NCK1: variants seen among roughly 807,000 people sequenced by gnomAD.
NCK1 encodes the protein SH2/SH3 adapter protein NCK1.
A neutral mutation model predicts 36.6 loss-of-function variants in NCK1; 19 were observed. The observed-to-expected ratio is 0.52, with a 90% CI of 0.36 to 0.76. NCK1 has a LOEUF of 0.76. NCK1 is among the 30% of genes least tolerant of loss of function. NCK1 has a pLI of 0.00. For missense variants in NCK1, 358 were observed against 445.6 expected (o/e 0.80, Z 1.77); for synonymous variants, 165 against 156.0 (o/e 1.06, Z -0.43).
intron 1 of NCK1, among the ~76,000 whole-genome samples, chr3:136,910,666 A>C (rs1218390319): frequency 6.6e-6 from 1 of 152,206 alleles, no homozygotes; most frequent in East Asian, 1.9e-4. Context: ...TTGACAAATC[A>C]TAATTTTATA....
At chr3:136,923,399 CA>C (rs1269200788) in intron 1 of NCK1, among the ~76,000 whole-genome samples, 1 of 151,720 alleles carries the variant, frequency 6.6e-6, no homozygotes, top group Non-Finnish European at 1.5e-5. Flanking sequence ...ACTAAAAATA[CA>C]AAAAAATTAG....
chr3:136,926,338 G>A (rs538708065), intron 1 of NCK1, among the ~76,000 whole-genome samples: 7 of 151,644 alleles, frequency 4.6e-5, no homozygotes, highest in African/African-American at 1.2e-4. Context: ...GCAGTGGCGC[G>A]ATCTCGGCTC....
intron 1 of NCK1, among the ~76,000 whole-genome samples, chr3:136,926,702 C>T (rs1463341399): frequency 1.3e-5 from 2 of 152,154 alleles, no homozygotes; most frequent in Non-Finnish European, 2.9e-5. Context: ...TTTCAAAATT[C>T]AATATGATTT....
intron 1 of NCK1, among the ~76,000 whole-genome samples, chr3:136,892,507 G>T (rs1417629612): frequency 1.3e-5 from 2 of 149,854 alleles, no homozygotes; most frequent in Non-Finnish European, 2.9e-5. Context: ...CAGAAATCTT[G>T]ATGATGTGGC....
At chr3:136,882,694 A>G (rs970950911) in intron 1 of NCK1, among the ~76,000 whole-genome samples, 2 of 151,922 alleles carry the variant, frequency 1.3e-5, no homozygotes, top group African/African-American at 4.8e-5. Context: ...TGGAAGGGGA[A>G]GTGTGTGTGG....
At chr3:136,864,893 G>T (rs1207496198) in intron 1 of NCK1, among the ~76,000 whole-genome samples, 1 of 149,318 alleles carries the variant, frequency 6.7e-6, no homozygotes, top group Non-Finnish European at 1.5e-5. Flanking sequence ...AAGTAGCTGG[G>T]ACTACAGGTG....
Position 136,948,604 on chromosome 3 carries a change from C to T in NCK1, c.*151C>T. The stretch of plus-strand genomic sequence containing the variant: ...ATAAGTATTTTTATTATAACTCAGC[C>T]CATACATATATACTATGTATGCAGT... On this transcript the variant is annotated 3_prime_UTR_variant, in exon 4 of 4. Coordinates refer to ENST00000481752, the MANE Select transcript of NCK1 (RefSeq NM_001291999.2). The T allele has an allele frequency of 1.5e-6, 1 of 652,258 alleles. No individual in the cohort carries two copies. The highest frequency in any genetic ancestry group is 2.6e-6 in the Non-Finnish European group (1 of 382,054). 40.4% of individuals were successfully genotyped at this position (652,258 alleles called of 1,614,324 possible). A position where few individuals can be genotyped will look rare whatever the true frequency, so the allele number is the denominator to read the frequency against.
intron 1 of NCK1, among the ~76,000 whole-genome samples, chr3:136,922,839 A>G (rs1414534611): frequency 6.6e-6 from 1 of 152,266 alleles, no homozygotes; most frequent in African/African-American, 2.4e-5. Flanking sequence ...CCAAAGGTAC[A>G]CTAACAGAAA....
At chr3:136,946,391 T>TA (rs1940827194) in intron 3 of NCK1, 96 bp downstream of exon 3, 1 of 1,023,142 alleles carries the variant, frequency 9.8e-7, no homozygotes, top group African/African-American at 1.6e-5. Context: ...TCCCTAAAGT[T>TA]AACCAGGTAA....
intron 1 of NCK1, among the ~76,000 whole-genome samples, chr3:136,865,211 C>T (rs960308422): frequency 1.1e-4 from 17 of 152,114 alleles, no homozygotes; most frequent in South Asian, 2.1e-4. Context: ...CTGCCTCGGC[C>T]TCCCAAAGTG....
Position 136,946,180 on chromosome 3 carries a change from G to T in NCK1, c.824G>T (p.Gly275Val). The change falls in exon 3 of 4, where the codon GGA (glycine) becomes GTA (valine). Residue 275 changes from glycine (G) to valine (V), a missense_variant. Coordinates refer to ENST00000481752, the MANE Select transcript of NCK1 (RefSeq NM_001291999.2). ...GATTACATTAGGCCTTCACTCACTG[G>T]AAAGTTTGCTGGCAATCCTTGGTAT... ...QCDYIRPSLT[G>V]KFAGNPWYYG... 6.2e-7 allele frequency: 1 copy of T among 1,613,556 alleles called. No individual in the cohort carries two copies.
intron 1 of NCK1, among the ~76,000 whole-genome samples, chr3:136,922,142 T>C (rs1249449104): frequency 6.6e-6 from 1 of 152,206 alleles, no homozygotes; most frequent in African/African-American, 2.4e-5. Flanking sequence ...GGGTTTGTTA[T>C]TGGCATTTAT....
rs750120282 is a variant in NCK1, at chr3:136,910,619, CATTT to C, written c.-18-17357_-18-17354del. ...TTTCAACCTGTTTGACTCCTCTTAGCATTTATTTATTCCAGTTTTAAATTTAATG... is the reference window on the plus strand; with the variant it reads ...TTTCAACCTGTTTGACTCCTCTTAGCATTTATTCCAGTTTTAAATTTAATG... On this transcript the variant is annotated intron_variant, in intron 1 of 3. Coordinates refer to ENST00000481752, the MANE Select transcript of NCK1 (RefSeq NM_001291999.2). Among the ~76,000 whole-genome samples the C allele has an allele frequency of 2.6e-5, 4 of 152,244 alleles. No individual in the cohort carries two copies. In the East Asian group the frequency reaches 5.8e-4, roughly 22 times the overall value.
Position 136,945,908 on chromosome 3 carries a change from T to C in NCK1, c.552T>C (p.Asn184=), listed in dbSNP as rs1327097555. The C allele has an allele frequency of 6.2e-7, 1 of 1,614,106 alleles. No individual in the cohort carries two copies. The highest frequency in any genetic ancestry group is 8.5e-7 in the Non-Finnish European group (1 of 1,180,022). Residue 184 remains asparagine (N), a synonymous_variant, in exon 3 of 4, where the codon AAT becomes AAC. Transcript: ENST00000481752. The part of the protein sequence containing the change: ...SLSEKLAAVV[N]NLNTGQVLHV... Reference sequence around the variant, plus strand: ...CAGAGAAATTAGCAGCAGTCGTCAATAACCTAAATACTGGGCAAGTGTTGC... The same window carrying C: ...CAGAGAAATTAGCAGCAGTCGTCAACAACCTAAATACTGGGCAAGTGTTGC...
At chr3:136,867,179 TCTTTCTTTCTTTTCTTTCTTTTC>T in intron 1 of NCK1, among the ~76,000 whole-genome samples, 1 of 17,122 alleles carries the variant, frequency 5.8e-5, no homozygotes, top group African/African-American at 1.5e-4. Flanking sequence ...CTTCCTTCCT[TCTTTCTTTCTTTTCTTTCTTTTC>T]CCTTCCTTCC....
intron 1 of NCK1, among the ~76,000 whole-genome samples, chr3:136,916,752 TGTTTA>T: frequency 6.6e-6 from 1 of 151,188 alleles, no homozygotes; most frequent in African/African-American, 2.5e-5. Context: ...TAAAACAGTT[TGTTTA>T]GTTCAAAAAA....
chr3:136,893,178 GTATA>G lies in NCK1; in HGVS notation c.-19+30836_-19+30839del, dbSNP rs374545343. 2.0e-4 allele frequency among the ~76,000 whole-genome samples: 7 copies of G among 34,642 alleles called. 2 individuals carry two copies. In the East Asian group the frequency reaches 7.8e-3, roughly 39 times the overall value. The allele number at this position is 34,642 out of a possible 152,430, so 22.7% of individuals were successfully genotyped here. A position where few individuals can be genotyped will look rare whatever the true frequency, so the allele number is the denominator to read the frequency against. On this transcript the variant is annotated intron_variant, in intron 1 of 3. Transcript: ENST00000481752. The stretch of plus-strand genomic sequence containing the variant: ...TGTGTGTGTGTGTGTGTGTGTGTGT[GTATA>G]TATATATATACACACATGTGCAAGT...
chr3:136,866,942 TC>T (rs1176660803), intron 1 of NCK1, among the ~76,000 whole-genome samples: 2 of 148,248 alleles, frequency 1.3e-5, no homozygotes, highest in African/African-American at 5.0e-5. Context: ...ATTTTTTTTT[TC>T]TCCTAAATTA....
chr3:136,867,177 CTTCTTTCTTTCTT>C (rs1938469642), intron 1 of NCK1, among the ~76,000 whole-genome samples: 1 of 25,558 alleles, frequency 3.9e-5, no homozygotes. Context: ...TCCTTCCTTC[CTTCTTTCTTTCTT>C]TTCTTTCTTT....
Sources: gnomAD v4.1 joint callset for allele counts (sites outside exome capture counted in the v4.1 genomes callset) on GRCh38, gnomAD v4.1.1 for gene constraint, MANE v1.5 for transcripts, NCBI Gene and HGNC (gene_info 2026-07-23, HGNC 2026-07-21) for gene names.